The following TMTC1 variants were observed in gnomAD, a reference collection of about 807,000 sequenced individuals.
TMTC1 encodes the protein protein O-mannosyl-transferase TMTC1.
TMTC1 carries 73 observed loss-of-function variants against 104.8 expected under a neutral mutation model. That is an observed-to-expected ratio of 0.70 (90% CI 0.58 to 0.85). The LOEUF (loss-of-function observed/expected upper bound fraction) is 0.85. Among genes scored for constraint, TMTC1 ranks in the 40% least tolerant of loss-of-function variants. TMTC1 has a pLI of 0.00. For missense variants in TMTC1, 1,035 were observed against 1,096.1 expected (o/e 0.94, Z 0.79); for synonymous variants, 434 against 428.7 (o/e 1.01, Z -0.15).
At chr12:29,552,725 C>G (rs1324190647) in intron 10 of TMTC1, among the ~76,000 whole-genome samples, 1 of 152,144 alleles carries the variant, frequency 6.6e-6, no homozygotes, top group Non-Finnish European at 1.5e-5. Flanking sequence ...CTGTTCACAT[C>G]TAAAGAGATA....
In TMTC1 at chr12:29,516,468, T is replaced by A. The variant is rs561386362; in HGVS notation, c.2188A>T (p.Met730Leu). ...TTTTCAGCTTCTTTTGTCTGACCCA[T>A]CACGGCCAAAACCTGAGCCTACAAA... The part of the protein sequence containing the change: ...RLALAQVLAV[M>L]GQTKEAEKMT... Residue 730 changes from methionine (M) to leucine (L), a missense_variant, in exon 15 of 18, where the codon ATG becomes TTG. By Grantham distance (15) the Met-to-Leu change is conservative (BLOSUM62 2). Transcript: ENST00000539277. 1.5e-4 allele frequency: 243 copies of A among 1,613,800 alleles called. 2 individuals carry two copies. The South Asian group carries it at 2.5e-3, about 17-fold the overall frequency.
chr12:29,717,070 G>A (rs866226413), intron 5 of TMTC1, among the ~76,000 whole-genome samples: 9 of 151,812 alleles, frequency 5.9e-5, no homozygotes, highest in Non-Finnish European at 1.0e-4. Context: ...TAAAAGACGA[G>A]CTTATTGATA....
intron 17 of TMTC1, among the ~76,000 whole-genome samples, chr12:29,509,186 C>T (rs1397319849): frequency 6.6e-6 from 1 of 152,132 alleles, no homozygotes; most frequent in Non-Finnish European, 1.5e-5. Context: ...CTAGAAAATG[C>T]ATATTTACTG....
intron 6 of TMTC1, among the ~76,000 whole-genome samples, chr12:29,631,166 T>C (rs914838376): frequency 1.3e-5 from 2 of 152,196 alleles, no homozygotes; most frequent in African/African-American, 2.4e-5. Context: ...CCTTTGTAGA[T>C]TTATGTTTTA....
At chr12:29,767,327 G>A (rs1416399741) in intron 2 of TMTC1, among the ~76,000 whole-genome samples, 2 of 152,184 alleles carry the variant, frequency 1.3e-5, no homozygotes, top group South Asian at 2.1e-4. Context: ...GAAACAGTAT[G>A]TAAGGCTCCT....
At position 29,663,006 on chromosome 12, in the gene TMTC1, T is replaced by G. The variant is rs543340020; in HGVS notation, c.939-29670A>C. Among the ~76,000 whole-genome samples, 88 of 152,344 alleles carry G rather than the reference T, an allele frequency of 5.8e-4. 1 individual carries two copies. The highest frequency in any genetic ancestry group is 1.8e-3 in the African/African-American group (76 of 41,580). On this transcript the variant is annotated intron_variant, in intron 5 of 17. Transcript: ENST00000539277. ...ACAAGAAAGAACACCAGGGATACTGTCAGCTCTCACAACCCACGGGGATAG... is the reference window on the plus strand; with the variant it reads ...ACAAGAAAGAACACCAGGGATACTGGCAGCTCTCACAACCCACGGGGATAG...
intron 9 of TMTC1, 134 bp from the exon 10 acceptor site, chr12:29,557,134 G>A (rs1945267018): frequency 9.8e-7 from 1 of 1,018,018 alleles, no homozygotes. Context: ...AATGGTTTGT[G>A]TCCAATCTTA....
chr12:29,703,919 C>T (rs780907231), intron 5 of TMTC1, among the ~76,000 whole-genome samples: 5 of 152,180 alleles, frequency 3.3e-5, no homozygotes, highest in South Asian at 4.1e-4. Context: ...ACCCAAATCT[C>T]ATCTTGAATT....
chr12:29,522,082 T>C (rs1266270825), intron 11 of TMTC1, among the ~76,000 whole-genome samples: 17 of 152,202 alleles, frequency 1.1e-4, no homozygotes, highest in Admixed American at 1.0e-3. Flanking sequence ...AAAATACATA[T>C]ATGCCCTGAG....
intron 7 of TMTC1, among the ~76,000 whole-genome samples, chr12:29,589,763 T>G (rs1187314660): frequency 6.6e-6 from 1 of 152,246 alleles, no homozygotes; most frequent in Non-Finnish European, 1.5e-5. Context: ...GCACTTCCTG[T>G]GCGGTAGGCA....
intron 5 of TMTC1, among the ~76,000 whole-genome samples, chr12:29,702,666 G>A (rs1306508516): frequency 2.0e-5 from 3 of 152,162 alleles, no homozygotes; most frequent in Non-Finnish European, 2.9e-5. Context: ...CTACACAAGC[G>A]GGTGAATCCG....
rs116967707 is a variant in TMTC1, at chr12:29,623,246, G to A, written c.1128+9901C>T. On this transcript the variant is annotated intron_variant, in intron 6 of 17. Transcript: ENST00000539277. ...TATGAAGAGCAGGCTGTGGGGATTG[G>A]TTTTGACAGATGACACACCTACTGT... Among the ~76,000 whole-genome samples, 79 of 152,284 alleles carry A rather than the reference G, an allele frequency of 5.2e-4. 1 individual carries two copies. In the East Asian group the frequency reaches 0.014, roughly 26 times the overall value.
chr12:29,617,536 C>CAGAGAGAGAGAGAGAGAGAG lies in TMTC1; in HGVS notation c.1129-13257_1129-13238dup, dbSNP rs145115277. Among the ~76,000 whole-genome samples the CAGAGAGAGAGAGAGAGAGAG allele has an allele frequency of 1.9e-3, 254 of 134,964 alleles. 3 individuals are homozygous for CAGAGAGAGAGAGAGAGAGAG. Among genetic ancestry groups the CAGAGAGAGAGAGAGAGAGAG allele is most frequent in the Middle Eastern group, 0.012 (3 of 260 alleles). 88.5% of individuals were successfully genotyped at this position (134,964 alleles called of 152,430 possible). On this transcript the variant is annotated intron_variant, in intron 6 of 17. Transcript: ENST00000539277. The stretch of plus-strand genomic sequence containing the variant: ...AAACATCAGTAAGCAAAACAGACAA[C>CAGAGAGAGAGAGAGAGAGAG]AGAGAGAGAGAGAGAGAGAGAGAGA...
At chr12:29,681,182 C>T (rs558613906) in intron 5 of TMTC1, among the ~76,000 whole-genome samples, 1 of 149,112 alleles carries the variant, frequency 6.7e-6, no homozygotes, top group Non-Finnish European at 1.5e-5. Context: ...TATAAAGTAA[C>T]TTAGAGTAGT....
At chr12:29,672,335 C>T (rs1343521929) in intron 5 of TMTC1, among the ~76,000 whole-genome samples, 1 of 152,212 alleles carries the variant, frequency 6.6e-6, no homozygotes, top group Non-Finnish European at 1.5e-5. Context: ...TTTCAAACCA[C>T]AGGGTCAGTA....
At chr12:29,725,409 C>T (rs554607553) in intron 5 of TMTC1, among the ~76,000 whole-genome samples, 1 of 152,134 alleles carries the variant, frequency 6.6e-6, no homozygotes, top group African/African-American at 2.4e-5. Flanking sequence ...TCTCAGCTCA[C>T]TGCAACCTCA....
intron 10 of TMTC1, 41 bp from the exon 11 acceptor site, chr12:29,536,358 A>G (rs757895694): frequency 1.6e-6 from 2 of 1,269,890 alleles, no homozygotes; most frequent in Non-Finnish European, 1.1e-6. Context: ...ACATCTTTTA[A>G]TAACACTTTG....
chr12:29,763,299 C>T (rs1484909098), intron 2 of TMTC1, among the ~76,000 whole-genome samples: 1 of 152,188 alleles, frequency 6.6e-6, no homozygotes, highest in Non-Finnish European at 1.5e-5. Context: ...GTCCAAACCA[C>T]TAAGCATGCA....
chr12:29,614,805 C>CAA (rs1946935833), intron 6 of TMTC1, among the ~76,000 whole-genome samples: 1 of 152,158 alleles, frequency 6.6e-6, no homozygotes, highest in South Asian at 2.1e-4. Flanking sequence ...AAAAGTCTTA[C>CAA]AAGGGAGTAG....
Sources: gnomAD v4.1 joint callset for allele counts (sites outside exome capture counted in the v4.1 genomes callset) on GRCh38, gnomAD v4.1.1 for gene constraint, MANE v1.5 for transcripts, NCBI Gene and HGNC (gene_info 2026-07-23, HGNC 2026-07-21) for gene names.